Variants in PIEZO2 observed in about 807,000 individuals in gnomAD.
The protein encoded by PIEZO2 is piezo type mechanosensitive ion channel component 2.
Under a neutral mutation model 337.3 loss-of-function variants are expected in PIEZO2, and 172 were observed. The ratio of observed to expected loss-of-function variants is 0.51; its 90% confidence interval spans 0.45 to 0.58. PIEZO2 has a LOEUF of 0.58. Ranked by LOEUF, PIEZO2 falls within the 20% of genes least tolerant of loss-of-function variation. The pLI is 0.00. For synonymous variants in PIEZO2, 1,251 were observed against 1,228.5 expected, an observed-to-expected ratio of 1.02 and a Z score of -0.38; for missense variants, 3,028 against 3,391.3, an observed-to-expected ratio of 0.89 and a Z score of 2.66.
rs1442451904 is a variant in PIEZO2 at position 10,830,056 on chromosome 18, C to G, written c.918-22782G>C. On this transcript the variant is annotated intron_variant, in intron 7 of 55. Coordinates refer to ENST00000674853, the MANE Select transcript of PIEZO2 (RefSeq NM_001378183.1). The surrounding 1 kb of genome is among the most constrained non-coding windows in gnomAD (Gnocchi z 4.7). The stretch of plus-strand genomic sequence containing the variant: ...CCTCACTTCGAATTATACTACAGAG[C>G]TCTAGTAACCAAAACAGTATGGTAC... Among the ~76,000 whole-genome samples, 1 of 152,050 alleles carries G rather than the reference C, an allele frequency of 6.6e-6. No individual in the cohort carries two copies. Among genetic ancestry groups the G allele is most frequent in the Non-Finnish European group, 1.5e-5 (1 of 68,022 alleles).
chr18:10,956,720 C>T (rs2033541988), intron 3 of PIEZO2, among the ~76,000 whole-genome samples: 1 of 152,158 alleles, frequency 6.6e-6, no homozygotes, highest in East Asian at 1.9e-4. Flanking sequence ...CCTATAATCC[C>T]AGCACTCTGG....
chr18:10,954,846 T>G lies in PIEZO2; in HGVS notation c.286+24689A>C, dbSNP rs2033449236. ...GCCTTCTTCTCTCATTTCTCTCTGA[T>G]GTTAGTAATGTTTTCCTTGATCTCC... On this transcript the variant is annotated intron_variant, in intron 3 of 55. Coordinates refer to ENST00000674853, the MANE Select transcript of PIEZO2 (RefSeq NM_001378183.1). The surrounding 1 kb of genome is among the most constrained non-coding windows in gnomAD (Gnocchi z 4.2). Among the ~76,000 whole-genome samples the G allele has an allele frequency of 6.6e-6, 1 of 152,208 alleles. No homozygotes were observed. Among genetic ancestry groups the G allele is most frequent in the South Asian group, 2.1e-4 (1 of 4,824 alleles).
At chr18:10,671,809 A>G (rs547209018) in intron 55 of PIEZO2, 30 bp from the exon 56 acceptor site, 1 of 1,561,996 alleles carries the variant, frequency 6.4e-7, no homozygotes, top group Non-Finnish European at 8.7e-7. Context: ...GAAATTGCAT[A>G]CAGCAGTTAA....
At chr18:10,678,012 T>A in intron 52 of PIEZO2, 137 bp from the exon 53 acceptor site, 1 of 795,956 alleles carries the variant, frequency 1.3e-6, no homozygotes, top group Non-Finnish European at 1.9e-6. Context: ...CCTGACCCTT[T>A]CAGTCTACTT....
intron 36 of PIEZO2, among the ~76,000 whole-genome samples, chr18:10,722,465 C>T (rs1291330936): frequency 3.3e-5 from 5 of 150,754 alleles, no homozygotes; most frequent in African/African-American, 7.5e-5. Context: ...CTCCTGATCT[C>T]GTAATCTGCC....
chr18:11,123,916 GAGTAGATT>G (rs1161216240), intron 1 of PIEZO2, among the ~76,000 whole-genome samples: 48 of 110,818 alleles, frequency 4.3e-4, no homozygotes, highest in Non-Finnish European at 9.6e-4. Flanking sequence ...AGATTTTAAA[GAGTAGATT>G]TTAAGTGTTC....
Position 10,758,032 on chromosome 18 carries a change from C to T in PIEZO2, c.3860G>A (p.Cys1287Tyr). The change falls in exon 27 of 56, where the codon TGC (cysteine) becomes TAC (tyrosine). Residue 1287 changes from cysteine to tyrosine, a missense_variant. This residue lies in a region of PIEZO2 where 1,925 missense variants were observed against 2,051.9 expected (regional missense o/e 0.94). Coordinates refer to ENST00000674853, the MANE Select transcript of PIEZO2 (RefSeq NM_001378183.1). ...GAAGGAGGCCGCATCAAGGTTCATG[C>T]AGATCTCGACATTGTCACCTGCCAT... Reference protein sequence around the residue: ...RIMAGDNVEICMNLDAASFSQ... With the variant: ...RIMAGDNVEIYMNLDAASFSQ... The T allele has an allele frequency of 1.3e-6, 2 of 1,537,116 alleles. No individual in the cohort carries two copies. The highest frequency in any genetic ancestry group is 1.4e-5 in the African/African-American group (1 of 73,118).
intron 3 of PIEZO2, among the ~76,000 whole-genome samples, chr18:10,977,029 GTGTGTGTA>G (rs2034470009): frequency 1.3e-5 from 2 of 151,794 alleles, no homozygotes; most frequent in African/African-American, 4.8e-5. Flanking sequence ...GTGTGTGTGT[GTGTGTGTA>G]TGTAAGCTTG....
chr18:10,726,638 C>A lies in PIEZO2; in HGVS notation c.5029+4769G>T. On this transcript the variant is annotated intron_variant, in intron 36 of 55. Coordinates refer to ENST00000674853, the MANE Select transcript of PIEZO2 (RefSeq NM_001378183.1). This position sits in a 1 kb window ranked among gnomAD's most constrained non-coding sequence, Gnocchi z 5.9. The stretch of plus-strand genomic sequence containing the variant: ...GCCGACGTGCGCTGGGAGTACTGCG[C>A]GCGCGCCAAGCGCGGCCAGACAGAC... 1 of 1,398,100 alleles carries A rather than the reference C, an allele frequency of 7.2e-7. No homozygotes were observed. Among genetic ancestry groups the A allele is most frequent in the Non-Finnish European group, 9.6e-7 (1 of 1,036,606 alleles). 86.6% of individuals were successfully genotyped at this position (1,398,100 alleles called of 1,614,324 possible). A position where few individuals can be genotyped will look rare whatever the true frequency, so the allele number is the denominator to read the frequency against.
intron 3 of PIEZO2, among the ~76,000 whole-genome samples, chr18:10,963,434 T>C (rs1267783617): frequency 6.6e-6 from 1 of 152,208 alleles, no homozygotes; most frequent in Non-Finnish European, 1.5e-5. Flanking sequence ...ACCAAATACA[T>C]ATCACATTTA....
chr18:10,910,592 TA>T (rs941899950), intron 4 of PIEZO2, among the ~76,000 whole-genome samples: 1 of 147,394 alleles, frequency 6.8e-6, no homozygotes. Context: ...CAACAAAATT[TA>T]AAAAAAAAGA....
intron 1 of PIEZO2, 35 bp from the exon 2 acceptor site, chr18:11,066,257 C>G: frequency 1.3e-6 from 2 of 1,497,746 alleles, no homozygotes; most frequent in Non-Finnish European, 1.8e-6. Flanking sequence ...GTGAGAAGAT[C>G]ATTAACAAAG....
intron 20 of PIEZO2, among the ~76,000 whole-genome samples, chr18:10,772,185 G>A (rs2038626883): frequency 6.6e-6 from 1 of 152,172 alleles, no homozygotes; most frequent in Admixed American, 6.5e-5. Flanking sequence ...TGTGTTATCT[G>A]AGGTTTTAGC....
rs939578470 is a variant in PIEZO2, at chr18:10,824,572, G to A, written c.918-17298C>T. Among the ~76,000 whole-genome samples the A allele has an allele frequency of 2.6e-5, 4 of 151,978 alleles. No individual in the cohort carries two copies. Among genetic ancestry groups the A allele is most frequent in the Non-Finnish European group, 4.4e-5 (3 of 67,988 alleles). ...ATATATGTATATTATGGAATACTAT[G>A]CATCCATTTAAAATAATAAAAAAAT... On this transcript the variant is annotated intron_variant, in intron 7 of 55. Coordinates refer to ENST00000674853, the MANE Select transcript of PIEZO2 (RefSeq NM_001378183.1). This position sits in a 1 kb window ranked among gnomAD's most constrained non-coding sequence, Gnocchi z 4.4.
chr18:10,969,610 A>G lies in PIEZO2; in HGVS notation c.286+9925T>C, dbSNP rs1318640956. 1.3e-5 allele frequency among the ~76,000 whole-genome samples: 2 copies of G among 152,210 alleles called. No homozygotes were observed. Among genetic ancestry groups the G allele is most frequent in the African/African-American group, 2.4e-5 (1 of 41,452 alleles). On this transcript the variant is annotated intron_variant, in intron 3 of 55. Transcript: ENST00000674853. This position sits in a 1 kb window ranked among gnomAD's most constrained non-coding sequence, Gnocchi z 4.5. The stretch of plus-strand genomic sequence containing the variant: ...ATTTTTTTTTGCGAAGGAAATAAAT[A>G]CCAAGTAACTTAATTGATAAATAGT...
At chr18:10,905,836 C>T (rs2043162697) in intron 4 of PIEZO2, among the ~76,000 whole-genome samples, 1 of 152,180 alleles carries the variant, frequency 6.6e-6, no homozygotes, top group Admixed American at 6.5e-5. Flanking sequence ...ATCTATCCCA[C>T]AAACATCAGA....
At chr18:10,985,313 C>T (rs1387571225) in intron 2 of PIEZO2, among the ~76,000 whole-genome samples, 2 of 151,968 alleles carry the variant, frequency 1.3e-5, no homozygotes, top group African/African-American at 2.4e-5. Flanking sequence ...TAAATTGTGA[C>T]TCTAATAAGA....
chr18:11,105,084 C>T lies in PIEZO2; in HGVS notation c.65-38862G>A, dbSNP rs1340437345. 2.0e-5 allele frequency among the ~76,000 whole-genome samples: 3 copies of T among 152,200 alleles called. No homozygotes were observed. The highest frequency in any genetic ancestry group is 2.1e-4 in the South Asian group (1 of 4,830). On this transcript the variant is annotated intron_variant, in intron 1 of 55. Transcript: ENST00000674853. The surrounding 1 kb of genome is among the most constrained non-coding windows in gnomAD (Gnocchi z 4.3). The stretch of plus-strand genomic sequence containing the variant: ...TGGCAAAGAACAGCTTGACTAAGCA[C>T]GACACCACCACAGAAGAAAACATAG...
chr18:10,698,444 G>T (rs950443524), intron 44 of PIEZO2, among the ~76,000 whole-genome samples: 2 of 152,208 alleles, frequency 1.3e-5, no homozygotes, highest in Non-Finnish European at 2.9e-5. Flanking sequence ...TCCAAGAGGG[G>T]CAGCTGTGAG....
Sources: gnomAD v4.1 joint callset for allele counts (sites outside exome capture counted in the v4.1 genomes callset) on GRCh38, gnomAD v4.1.1 for gene constraint, gnomAD v4.1.1 regional missense constraint, Gnocchi (gnomAD v3.1) non-coding constraint, MANE v1.5 for transcripts, NCBI Gene and HGNC (gene_info 2026-07-23, HGNC 2026-07-21) for gene names.